The following GALNT13 variants were observed in gnomAD, a reference collection of about 807,000 sequenced individuals.
The protein encoded by GALNT13 is polypeptide N-acetylgalactosaminyltransferase 13, also known as UDP-GalNAc:polypeptide N-acetylgalactosaminyltransferase 13.
Under a neutral mutation model 64.2 loss-of-function variants are expected in GALNT13, and 28 were observed. The observed-to-expected ratio is 0.44, with a 90% confidence interval of 0.32 to 0.60. GALNT13 has a LOEUF of 0.60. GALNT13 is among the 20% of genes least tolerant of loss of function. The probability of loss-of-function intolerance (pLI) is 0.05; values close to 1 mark genes in which losing one functional copy is unlikely to be tolerated. For missense variants in GALNT13, 577 were observed against 669.8 expected (o/e 0.86, Z 1.53); for synonymous variants, 214 against 224.6 (o/e 0.95, Z 0.42).
At chr2:153,529,783 A>C in the GALNT13 span, among the ~76,000 whole-genome samples, 1 of 152,124 alleles carries the variant, frequency 6.6e-6, no homozygotes, top group African/African-American at 2.4e-5. Flanking sequence ...ACCTCATATC[A>C]ACAGAATGAA....
the GALNT13 span, among the ~76,000 whole-genome samples, chr2:153,367,133 C>T: frequency 6.6e-6 from 1 of 151,712 alleles, no homozygotes. Context: ...ATGATTAATG[C>T]AGTATATGAA....
At chr2:154,322,896 C>A (rs182239525) in intron 9 of GALNT13, among the ~76,000 whole-genome samples, 1 of 152,050 alleles carries the variant, frequency 6.6e-6, no homozygotes, top group East Asian at 1.9e-4. Flanking sequence ...ACATGTCTGG[C>A]ATTTTGATGT....
intron 4 of GALNT13, among the ~76,000 whole-genome samples, chr2:154,201,767 G>C (rs761545052): frequency 5.9e-5 from 9 of 151,986 alleles, no homozygotes; most frequent in Non-Finnish European, 1.2e-4. Flanking sequence ...GGAATTCTTT[G>C]CTTTTTACTT....
At chr2:154,028,572 A>C (rs1324976898) in intron 3 of GALNT13, among the ~76,000 whole-genome samples, 1 of 152,120 alleles carries the variant, frequency 6.6e-6, no homozygotes, top group African/African-American at 2.4e-5. Flanking sequence ...TAATAGATTA[A>C]GTTTTCTGTG....
intron 3 of GALNT13, among the ~76,000 whole-genome samples, chr2:154,058,828 G>A (rs932623868): frequency 6.6e-6 from 1 of 152,164 alleles, no homozygotes; most frequent in Non-Finnish European, 1.5e-5. Flanking sequence ...TACTTTGAGT[G>A]AAGAGAGGAA....
At chr2:153,303,390 T>A in the GALNT13 span, among the ~76,000 whole-genome samples, 1 of 152,200 alleles carries the variant, frequency 6.6e-6, no homozygotes, top group African/African-American at 2.4e-5. Context: ...TTTTTGTATG[T>A]TGATTTTGTA....
the GALNT13 span, among the ~76,000 whole-genome samples, chr2:153,815,441 A>G: frequency 6.6e-6 from 1 of 152,218 alleles, no homozygotes; most frequent in Non-Finnish European, 1.5e-5. Flanking sequence ...TATTCCATTC[A>G]GGTAGAGCCC....
intron 2 of GALNT13, among the ~76,000 whole-genome samples, chr2:153,931,183 G>C (rs1223163416): frequency 6.7e-6 from 1 of 149,568 alleles, no homozygotes; most frequent in Non-Finnish European, 1.5e-5. Context: ...ACTGATTTTT[G>C]TACATTGATT....
chr2:153,707,045 T>G, the GALNT13 span, among the ~76,000 whole-genome samples: 1 of 152,114 alleles, frequency 6.6e-6, no homozygotes, highest in Non-Finnish European at 1.5e-5. Flanking sequence ...AAAGAGGAGT[T>G]CCCCTGCACG....
chr2:153,084,975 T>C, the GALNT13 span, among the ~76,000 whole-genome samples: 3 of 152,164 alleles, frequency 2.0e-5, no homozygotes. Flanking sequence ...CCTAGAGACT[T>C]GAATGGCTTT....
the GALNT13 span, among the ~76,000 whole-genome samples, chr2:153,263,093 CA>C: frequency 6.6e-6 from 1 of 151,976 alleles, no homozygotes; most frequent in Non-Finnish European, 1.5e-5. Context: ...GCAACATTAG[CA>C]AAGTCTCAGG....
chr2:153,509,394 T>G, the GALNT13 span, among the ~76,000 whole-genome samples: 1 of 152,226 alleles, frequency 6.6e-6, no homozygotes, highest in Non-Finnish European at 1.5e-5. Context: ...CTGCTGCAGC[T>G]GGAGTCCCCG....
chr2:153,620,348 A>T, the GALNT13 span, among the ~76,000 whole-genome samples: 80,621 of 151,754 alleles, frequency 0.53, 23,827 homozygotes, highest in African/African-American at 0.81. Context: ...GGTCTTGAAC[A>T]CCTGGTCTCA....
chr2:154,056,540 A>C (rs1558934346), intron 3 of GALNT13, among the ~76,000 whole-genome samples: 1 of 152,144 alleles, frequency 6.6e-6, no homozygotes, highest in Non-Finnish European at 1.5e-5. Flanking sequence ...GACTTGAATT[A>C]ATTTTCAGTC....
At chr2:153,910,135 A>G (rs1162590130) in intron 2 of GALNT13, among the ~76,000 whole-genome samples, 3 of 150,850 alleles carry the variant, frequency 2.0e-5, no homozygotes, top group African/African-American at 4.9e-5. Context: ...TGGTCTGTTC[A>G]TGGATTCAGT....
intron 4 of GALNT13, among the ~76,000 whole-genome samples, chr2:154,185,475 C>G (rs1330624687): frequency 1.3e-5 from 2 of 151,890 alleles, no homozygotes; most frequent in East Asian, 1.9e-4. Context: ...CCGAGATTCT[C>G]ATAGTATACA....
intron 7 of GALNT13, among the ~76,000 whole-genome samples, chr2:154,258,550 G>C (rs916088633): frequency 6.6e-6 from 1 of 151,790 alleles, no homozygotes; most frequent in African/African-American, 2.4e-5. Flanking sequence ...ACATTTTATA[G>C]AATTTAATTT....
At chr2:153,434,088 T>G in the GALNT13 span, among the ~76,000 whole-genome samples, 5 of 152,300 alleles carry the variant, frequency 3.3e-5, no homozygotes. Flanking sequence ...TGTTTGGTTT[T>G]TTGTCCTGGC....
At chr2:153,300,918 T>C in the GALNT13 span, among the ~76,000 whole-genome samples, 4 of 152,068 alleles carry the variant, frequency 2.6e-5, no homozygotes, top group Non-Finnish European at 5.9e-5. Context: ...AAATTAAGAG[T>C]ATAGGCTGGG....
Sources: gnomAD v4.1 joint callset for allele counts (sites outside exome capture counted in the v4.1 genomes callset) on GRCh38, gnomAD v4.1.1 for gene constraint, MANE v1.5 for transcripts, NCBI Gene and HGNC (gene_info 2026-07-23, HGNC 2026-07-21) for gene names.